FBXW7: variants seen among roughly 807,000 people sequenced by gnomAD.
The protein encoded by FBXW7 is F-box/WD repeat-containing protein 7.
In FBXW7, 11 loss-of-function variants were observed where a neutral mutation model predicts 86.3. That is an observed-to-expected ratio of 0.13 (90% CI 0.08 to 0.21). FBXW7 has a LOEUF of 0.21. Among genes scored for constraint, FBXW7 ranks in the 10% least tolerant of loss-of-function variants. The probability of loss-of-function intolerance (pLI) is 1.00; values close to 1 mark genes in which losing one functional copy is unlikely to be tolerated. For synonymous variants in FBXW7, 313 were observed against 297.9 expected, an observed-to-expected ratio of 1.05 and a Z score of -0.52; for missense variants, 488 against 847.4, an observed-to-expected ratio of 0.58 and a Z score of 5.27.
At chr4:152,523,239 A>G (rs1384668391) in intron 2 of FBXW7, among the ~76,000 whole-genome samples, 1 of 152,196 alleles carries the variant, frequency 6.6e-6, no homozygotes, top group Non-Finnish European at 1.5e-5. Context: ...CAAGAGAGTA[A>G]GCTCAAGGTC....
intron 7 of FBXW7, among the ~76,000 whole-genome samples, chr4:152,335,186 T>C (rs1729947150): frequency 6.6e-6 from 1 of 152,096 alleles, no homozygotes; most frequent in African/African-American, 2.4e-5. Flanking sequence ...ATCCTAACCC[T>C]CAATGTGATG....
At chr4:152,525,174 A>G (rs1303641099) in intron 2 of FBXW7, among the ~76,000 whole-genome samples, 1 of 152,204 alleles carries the variant, frequency 6.6e-6, no homozygotes, top group African/African-American at 2.4e-5. Context: ...TTAAACTAGA[A>G]TATTCATTAA....
Position 152,535,579 on chromosome 4 carries a change from G to T in FBXW7, c.-665C>A. 1 of 396,938 alleles carries T rather than the reference G, an allele frequency of 2.5e-6. No homozygotes were observed. The allele number at this position is 396,938 out of a possible 1,614,324, so 24.6% of individuals were successfully genotyped here. A position where few individuals can be genotyped will look rare whatever the true frequency, so the allele number is the denominator to read the frequency against. On this transcript the variant is annotated 5_prime_UTR_variant, in exon 1 of 14. Transcript: ENST00000281708. ...GCTACGGCCCCGGGCGGGTGGCCGA[G>T]TCGGCGGCAAGGCGAGGGACCCGGC...
At chr4:152,329,605 C>T in intron 10 of FBXW7, 67 bp downstream of exon 10, 1 of 698,486 alleles carries the variant, frequency 1.4e-6, no homozygotes, top group Non-Finnish European at 2.3e-6. Context: ...TTTCTTTTTT[C>T]CAGTTGCTAC....
At chr4:152,371,350 T>C (rs187461301) in intron 4 of FBXW7, among the ~76,000 whole-genome samples, 118 of 152,090 alleles carry the variant, frequency 7.8e-4, no homozygotes, top group African/African-American at 2.8e-3. Flanking sequence ...AAGCTGTGCC[T>C]GATAGAATTA....
At chr4:152,392,124 T>C (rs368544013) in intron 4 of FBXW7, among the ~76,000 whole-genome samples, 4 of 152,194 alleles carry the variant, frequency 2.6e-5, no homozygotes, top group East Asian at 1.9e-4. Context: ...TTATAGCAAA[T>C]TGTATTCTCA....
At chr4:152,496,237 T>C (rs1346642999) in intron 2 of FBXW7, among the ~76,000 whole-genome samples, 2 of 152,078 alleles carry the variant, frequency 1.3e-5, no homozygotes, top group African/African-American at 2.4e-5. Context: ...AAAATCAAGA[T>C]ACAAACAGCA....
chr4:152,511,045 T>A (rs1344789572), intron 2 of FBXW7, among the ~76,000 whole-genome samples: 8 of 151,708 alleles, frequency 5.3e-5, no homozygotes, highest in Non-Finnish European at 8.8e-5. Flanking sequence ...TTAATTTTTT[T>A]TTTTTTTTTT....
chr4:152,358,090 A>G (rs949215321), intron 4 of FBXW7, among the ~76,000 whole-genome samples: 11 of 152,242 alleles, frequency 7.2e-5, no homozygotes. Flanking sequence ...TAAACTACCA[A>G]TAAGCATTTG....
At chr4:152,436,286 C>T (rs1008274219) in intron 2 of FBXW7, among the ~76,000 whole-genome samples, 2 of 152,130 alleles carry the variant, frequency 1.3e-5, no homozygotes, top group East Asian at 3.8e-4. Context: ...TCAAATCAAC[C>T]ATAACATTTC....
chr4:152,359,490 C>T (rs143815056), intron 4 of FBXW7, among the ~76,000 whole-genome samples: 27 of 152,082 alleles, frequency 1.8e-4, no homozygotes, highest in Non-Finnish European at 3.1e-4. Flanking sequence ...GTAGCCCTAG[C>T]TACTTGAGAG....
intron 2 of FBXW7, among the ~76,000 whole-genome samples, chr4:152,471,839 G>A (rs1047673481): frequency 3.3e-5 from 5 of 152,008 alleles, no homozygotes; most frequent in Admixed American, 2.0e-4. Flanking sequence ...GTTCAAGGCC[G>A]CAATAAGCTA....
chr4:152,323,299 T>C (rs1728710940), intron 13 of FBXW7, 150 bp from the exon 14 acceptor site: 1 of 940,544 alleles, frequency 1.1e-6, no homozygotes, highest in Non-Finnish European at 1.5e-6. Context: ...CTCAGTATTT[T>C]AGGATCAGCA....
intron 2 of FBXW7, among the ~76,000 whole-genome samples, chr4:152,516,042 G>A (rs1443556871): frequency 2.6e-5 from 4 of 152,262 alleles, no homozygotes; most frequent in East Asian, 1.9e-4. Context: ...TCCCACAACC[G>A]GTGAGCCTGG....
chr4:152,411,062 TA>T (rs1354807837), intron 4 of FBXW7: 7 of 657,368 alleles, frequency 1.1e-5, no homozygotes, highest in Non-Finnish European at 1.3e-5. Flanking sequence ...TTGATGTTAA[TA>T]ATTTTTCATA....
intron 2 of FBXW7, among the ~76,000 whole-genome samples, chr4:152,478,082 C>T (rs919339642): frequency 1.3e-5 from 2 of 151,980 alleles, no homozygotes; most frequent in African/African-American, 4.8e-5. Context: ...ATAAAATATA[C>T]ATAAAATGTA....
At chr4:152,353,809 T>C (rs1732096147) in intron 4 of FBXW7, among the ~76,000 whole-genome samples, 3 of 152,200 alleles carry the variant, frequency 2.0e-5, no homozygotes, top group Non-Finnish European at 4.4e-5. Context: ...CACAACTACC[T>C]TCAGGGACAA....
chr4:152,471,253 G>A (rs747317892), intron 2 of FBXW7, among the ~76,000 whole-genome samples: 6 of 151,588 alleles, frequency 4.0e-5, no homozygotes, highest in African/African-American at 7.3e-5. Context: ...AGCTTATATA[G>A]TGACAAGATA....
chr4:152,385,851 ATT>A (rs1735480866), intron 4 of FBXW7, among the ~76,000 whole-genome samples: 2 of 152,058 alleles, frequency 1.3e-5, no homozygotes, highest in Non-Finnish European at 1.5e-5. Flanking sequence ...GTCATAATAT[ATT>A]TTTGGAAAAA....
Sources: allele counts gnomAD v4.1 joint callset (sites outside exome capture counted in the v4.1 genomes callset), GRCh38; gene constraint gnomAD v4.1.1; transcripts MANE v1.5; gene names NCBI Gene and HGNC (gene_info 2026-07-23, HGNC 2026-07-21).